The following PRR16 variants were observed in gnomAD, a reference collection of about 807,000 sequenced individuals.
PRR16 encodes proline rich 16.
PRR16 carries 6 observed loss-of-function variants against 18.2 expected under a neutral mutation model. That is an observed-to-expected ratio of 0.33 (90% confidence interval 0.18 to 0.65). The LOEUF is 0.65. Ranked by LOEUF, PRR16 falls within the 30% of genes least tolerant of loss-of-function variation. PRR16 has a pLI of 0.74. For missense variants in PRR16, 412 were observed against 376.6 expected (o/e 1.09, Z -0.78); for synonymous variants, 151 against 147.8 (o/e 1.02, Z -0.16).
the PRR16 span, among the ~76,000 whole-genome samples, chr5:120,784,255 TCTA>T: frequency 6.6e-6 from 1 of 152,194 alleles, no homozygotes; most frequent in African/African-American, 2.4e-5. Flanking sequence ...ATGTGGTAGT[TCTA>T]CTGTTAGTTT....
At chr5:120,747,138 A>T in the PRR16 span, among the ~76,000 whole-genome samples, 1 of 152,094 alleles carries the variant, frequency 6.6e-6, no homozygotes, top group South Asian at 2.1e-4. Flanking sequence ...TTCAAAGTTA[A>T]TTGTGATTGA....
chr5:120,675,509 C>G (rs1249699737), intron 1 of PRR16, among the ~76,000 whole-genome samples: 1 of 152,108 alleles, frequency 6.6e-6, no homozygotes, highest in East Asian at 1.9e-4. Flanking sequence ...AATTTGAAAT[C>G]CTTCTGGGAC....
At chr5:120,612,929 A>T (rs1429769886) in intron 1 of PRR16, among the ~76,000 whole-genome samples, 12 of 152,208 alleles carry the variant, frequency 7.9e-5, no homozygotes, top group Non-Finnish European at 1.3e-4. Flanking sequence ...ATCATATTTT[A>T]ATCCTGAAAA....
At chr5:120,631,633 T>A (rs929173310) in intron 1 of PRR16, among the ~76,000 whole-genome samples, 73 of 151,854 alleles carry the variant, frequency 4.8e-4, no homozygotes, top group African/African-American at 1.6e-3. Flanking sequence ...TATAATTCCA[T>A]TGGACTGAGA....
At chr5:120,650,503 G>A (rs1456765777) in intron 1 of PRR16, among the ~76,000 whole-genome samples, 20 of 97,604 alleles carry the variant, frequency 2.0e-4, no homozygotes, top group Admixed American at 7.6e-4. Flanking sequence ...AACAGGCCCC[G>A]GTGTGTGATG....
At chr5:120,721,009 C>T in the PRR16 span, among the ~76,000 whole-genome samples, 6 of 151,952 alleles carry the variant, frequency 3.9e-5, no homozygotes, top group Non-Finnish European at 7.4e-5. Context: ...TCACCATTTA[C>T]CGAAAAAGGT....
At chr5:120,770,625 TA>T in the PRR16 span, among the ~76,000 whole-genome samples, 1 of 151,852 alleles carries the variant, frequency 6.6e-6, no homozygotes, top group East Asian at 1.9e-4. Flanking sequence ...ATCAACAGAA[TA>T]AAAAGACAAT....
chr5:120,754,875 A>C, the PRR16 span, among the ~76,000 whole-genome samples: 2 of 151,322 alleles, frequency 1.3e-5, no homozygotes, highest in Admixed American at 1.3e-4. Flanking sequence ...AGAAACCATG[A>C]GGTATAAGGA....
At chr5:120,768,384 T>C in the PRR16 span, among the ~76,000 whole-genome samples, 737 of 151,088 alleles carry the variant, frequency 4.9e-3, 1 homozygote, top group Admixed American at 9.7e-3. Context: ...TATTTTGAGA[T>C]GTCTCTATAG....
intron 1 of PRR16, among the ~76,000 whole-genome samples, chr5:120,532,170 A>G (rs1315891397): frequency 6.6e-6 from 1 of 152,186 alleles, no homozygotes; most frequent in African/African-American, 2.4e-5. Flanking sequence ...ATGTTGCCCA[A>G]TTCCTTTCTT....
At chr5:120,584,554 A>G (rs557020971) in intron 1 of PRR16, among the ~76,000 whole-genome samples, 6 of 152,196 alleles carry the variant, frequency 3.9e-5, no homozygotes, top group Non-Finnish European at 8.8e-5. Context: ...TACTAAATTT[A>G]TATTGATATT....
chr5:120,728,703 T>A, the PRR16 span, among the ~76,000 whole-genome samples: 3 of 152,182 alleles, frequency 2.0e-5, no homozygotes, highest in African/African-American at 7.2e-5. Flanking sequence ...ATGGCGTGCT[T>A]TTCTGCATCT....
At chr5:120,694,778 C>T in the PRR16 span, among the ~76,000 whole-genome samples, 1 of 151,648 alleles carries the variant, frequency 6.6e-6, no homozygotes, top group Non-Finnish European at 1.5e-5. Flanking sequence ...ATTACAATAA[C>T]TTGTAATAGC....
chr5:120,524,110 G>T (rs752982206), intron 1 of PRR16, among the ~76,000 whole-genome samples: 58 of 152,208 alleles, frequency 3.8e-4, no homozygotes, highest in Non-Finnish European at 7.5e-4. Context: ...CTAAGACACA[G>T]AAGTTTATGT....
intron 1 of PRR16, among the ~76,000 whole-genome samples, chr5:120,474,125 A>C (rs1042176456): frequency 2.0e-5 from 3 of 152,118 alleles, no homozygotes; most frequent in Non-Finnish European, 2.9e-5. Flanking sequence ...GGTCAGATAG[A>C]TATGGGGGAC....
intron 1 of PRR16, among the ~76,000 whole-genome samples, chr5:120,604,022 T>G (rs752054707): frequency 1.3e-5 from 2 of 152,034 alleles, no homozygotes; most frequent in Non-Finnish European, 2.9e-5. Context: ...GAAGAATGTA[T>G]AATCTGTTGT....
At chr5:120,707,137 G>T in the PRR16 span, among the ~76,000 whole-genome samples, 3 of 152,202 alleles carry the variant, frequency 2.0e-5, no homozygotes, top group Non-Finnish European at 2.9e-5. Flanking sequence ...GAAAAGTGAT[G>T]TCAGAGGCTT....
At chr5:120,483,391 G>T (rs1749685886) in intron 1 of PRR16, among the ~76,000 whole-genome samples, 1 of 152,036 alleles carries the variant, frequency 6.6e-6, no homozygotes, top group African/African-American at 2.4e-5. Context: ...ACTATTTTTG[G>T]ATTCTTCCTT....
intron 1 of PRR16, among the ~76,000 whole-genome samples, chr5:120,542,285 C>T (rs370810438): frequency 2.0e-5 from 3 of 151,956 alleles, no homozygotes; most frequent in Non-Finnish European, 2.9e-5. Context: ...ACTTCTAACT[C>T]GTATGGCATT....
Sources: gnomAD v4.1 joint callset for allele counts (sites outside exome capture counted in the v4.1 genomes callset) on GRCh38, gnomAD v4.1.1 for gene constraint, MANE v1.5 for transcripts, NCBI Gene and HGNC (gene_info 2026-07-23, HGNC 2026-07-21) for gene names.